DNAH11: variants seen among roughly 807,000 people sequenced by gnomAD.
DNAH11 encodes the protein dynein axonemal heavy chain 11, also known as axonemal beta dynein heavy chain 11.
A neutral mutation model predicts 526.0 loss-of-function variants in DNAH11; 442 were observed. The ratio of observed to expected loss-of-function variants is 0.84; its 90% confidence interval spans 0.78 to 0.91. The LOEUF (loss-of-function observed/expected upper bound fraction) is 0.91, where lower values mean the gene tolerates loss of function less well. DNAH11 is among the 40% of genes least tolerant of loss of function. The probability of loss-of-function intolerance (pLI) is 0.00; values close to 1 mark genes in which losing one functional copy is unlikely to be tolerated. For missense variants in DNAH11, 6,989 were observed against 5,448.7 expected, an observed-to-expected ratio of 1.28 and a Z score of -8.90; for synonymous variants, 2,461 against 1,935.9, an observed-to-expected ratio of 1.27 and a Z score of -7.12.
At chr7:21,591,091 A>G in intron 13 of DNAH11, 69 bp downstream of exon 13, 1 of 1,385,184 alleles carries the variant, frequency 7.2e-7, no homozygotes, top group East Asian at 2.8e-5. Context: ...AATTTTAATT[A>G]TTATATAGAT....
intron 48 of DNAH11, 23 bp from the exon 49 acceptor site, chr7:21,741,904 C>CTTATA (rs1310697315): frequency 6.2e-7 from 1 of 1,612,278 alleles, no homozygotes; most frequent in Non-Finnish European, 8.5e-7. Context: ...TCCTTACACT[C>CTTATA]TTATATTTGC....
rs369208325 is a variant in DNAH11, at chr7:21,594,704, C to T, written c.2667+3127C>T. ...AGGAGATAGTTTTGGGGCAGGAGAT[C>T]CCTGGGCATGCTCGAGGAGGAGCAG... On this transcript the variant is annotated intron_variant, in intron 14 of 81. Transcript: ENST00000409508. Among the ~76,000 whole-genome samples, 13 of 152,070 alleles carry T rather than the reference C, an allele frequency of 8.5e-5. No homozygotes were observed. The South Asian group carries it at 2.7e-3, about 32-fold the overall frequency.
At chr7:21,622,785 A>T (rs901964807) in intron 25 of DNAH11, among the ~76,000 whole-genome samples, 5 of 152,322 alleles carry the variant, frequency 3.3e-5, no homozygotes, top group Admixed American at 2.0e-4. Context: ...CTGAAACTGG[A>T]TCCCTTCCTT....
intron 2 of DNAH11, among the ~76,000 whole-genome samples, chr7:21,550,754 T>C (rs1214830786): frequency 2.0e-5 from 3 of 152,172 alleles, no homozygotes; most frequent in African/African-American, 7.2e-5. Context: ...CAAATCTAGG[T>C]ACAACCTGTT....
intron 32 of DNAH11, 97 bp downstream of exon 32, chr7:21,684,041 A>C (rs1783262993): frequency 3.9e-6 from 5 of 1,289,662 alleles, no homozygotes; most frequent in African/African-American, 1.5e-5. Context: ...AACGATGAAC[A>C]ATGAACTATG....
chr7:21,675,683 G>T (rs781159740), intron 30 of DNAH11, among the ~76,000 whole-genome samples: 15 of 152,146 alleles, frequency 9.9e-5, no homozygotes, highest in Non-Finnish European at 1.6e-4. Context: ...TTCTTCATCA[G>T]TTCCTACAGC....
At chr7:21,865,792 A>G (rs1260571330) in intron 70 of DNAH11, among the ~76,000 whole-genome samples, 1 of 152,194 alleles carries the variant, frequency 6.6e-6, no homozygotes, top group African/African-American at 2.4e-5. Context: ...CTCCATAGGG[A>G]GAGTAGCCCT....
intron 80 of DNAH11, 116 bp downstream of exon 80, chr7:21,899,564 C>T (rs1784669354): frequency 1.2e-6 from 1 of 821,684 alleles, no homozygotes; most frequent in East Asian, 2.5e-5. Context: ...CCTCAAGCAG[C>T]AGCCATTATA....
rs114643721 is a variant in DNAH11 at position 21,612,917 on chromosome 7, C to T, written c.3853-2197C>T. Among the ~76,000 whole-genome samples, 966 of 152,118 alleles carry T rather than the reference C, an allele frequency of 6.4e-3. 13 individuals are homozygous for T. Among genetic ancestry groups the T allele is most frequent in the African/African-American group, 0.021 (867 of 41,494 alleles). On this transcript the variant is annotated intron_variant, in intron 20 of 81. Transcript: ENST00000409508. Reference sequence around the variant, plus strand: ...GGGAGAAAAAATCGTATGATTATCGCGAGAAATGCCAAAAGAACTTTAGCT... The same window carrying T: ...GGGAGAAAAAATCGTATGATTATCGTGAGAAATGCCAAAAGAACTTTAGCT...
chr7:21,868,285 C>T (rs1042254446), intron 72 of DNAH11, among the ~76,000 whole-genome samples: 1 of 152,066 alleles, frequency 6.6e-6, no homozygotes, highest in East Asian at 1.9e-4. Context: ...TCCACATGCT[C>T]ATGTAATCTT....
At chr7:21,686,457 A>G (rs1036261168) in intron 32 of DNAH11, among the ~76,000 whole-genome samples, 3 of 152,204 alleles carry the variant, frequency 2.0e-5, no homozygotes, top group Non-Finnish European at 4.4e-5. Flanking sequence ...TTTATTAGGT[A>G]TTCTTGTTTC....
chr7:21,807,959 G>T lies in DNAH11; in HGVS notation c.10242G>T (p.Thr3414=), dbSNP rs559218045. ...EKTLCGDVLL[T]AAFVSYVGPF... Reference sequence around the variant, plus strand: ...CACTCTGTGGAGATGTTCTTCTCACGGCGGCATTTGTGTCTTACGTCGGAC... The same window carrying T: ...CACTCTGTGGAGATGTTCTTCTCACTGCGGCATTTGTGTCTTACGTCGGAC... Residue 3414 remains threonine (T), a synonymous_variant, in exon 63 of 82, where the codon ACG becomes ACT. Coordinates refer to ENST00000409508, the MANE Select transcript of DNAH11 (RefSeq NM_001277115.2). 5.6e-6 allele frequency: 9 copies of T among 1,608,428 alleles called. No individual in the cohort carries two copies. Among genetic ancestry groups the T allele is most frequent in the Non-Finnish European group, 7.7e-6 (9 of 1,176,428 alleles).
At chr7:21,638,439 G>A (rs948305252) in intron 27 of DNAH11, among the ~76,000 whole-genome samples, 3 of 152,088 alleles carry the variant, frequency 2.0e-5, no homozygotes, top group South Asian at 4.1e-4. Context: ...CTCTGCTAAG[G>A]GCAATAAAGT....
At chr7:21,695,670 A>T (rs1286827585) in intron 35 of DNAH11, among the ~76,000 whole-genome samples, 1 of 152,252 alleles carries the variant, frequency 6.6e-6, no homozygotes, top group Non-Finnish European at 1.5e-5. Context: ...ACCACTCAGG[A>T]CATAGGCATG....
intron 51 of DNAH11, among the ~76,000 whole-genome samples, chr7:21,747,958 T>G (rs1786220393): frequency 1.3e-5 from 2 of 152,238 alleles, no homozygotes; most frequent in Admixed American, 1.3e-4. Context: ...TTTGAAGCCC[T>G]TAACACAAGG....
At chr7:21,685,315 T>A (rs949458460) in intron 32 of DNAH11, among the ~76,000 whole-genome samples, 5 of 151,988 alleles carry the variant, frequency 3.3e-5, no homozygotes, top group African/African-American at 1.2e-4. Context: ...AGGCCCAGGG[T>A]ATAGGAGAAA....
chr7:21,892,597 G>T lies in DNAH11; in HGVS notation c.12680G>T (p.Arg4227Ile). The T allele has an allele frequency of 6.2e-7, 1 of 1,613,910 alleles. No individual in the cohort carries two copies. Among genetic ancestry groups the T allele is most frequent in the Non-Finnish European group, 8.5e-7 (1 of 1,179,828 alleles). The change falls in exon 77 of 82, where the codon AGA (arginine) becomes ATA (isoleucine). Residue 4227 changes from arginine (R) to isoleucine (I), a missense_variant. Coordinates refer to ENST00000409508, the MANE Select transcript of DNAH11 (RefSeq NM_001277115.2). ...FLTVTSNTLF[R>I]TLLEMQPRNA... The stretch of plus-strand genomic sequence containing the variant: ...ACAGTGACATCCAACACTCTCTTCA[G>T]AACTTTGCTGGAGATGCAGCCCAGG...
intron 65 of DNAH11, among the ~76,000 whole-genome samples, chr7:21,839,752 G>C (rs1782134695): frequency 6.6e-6 from 1 of 152,242 alleles, no homozygotes; most frequent in South Asian, 2.1e-4. Context: ...TCAACTAATA[G>C]GGTTTTCAAA....
At chr7:21,822,883 G>A (rs747786864) in intron 65 of DNAH11, among the ~76,000 whole-genome samples, 8 of 148,200 alleles carry the variant, frequency 5.4e-5, no homozygotes, top group African/African-American at 1.2e-4. Flanking sequence ...TCATATACCC[G>A]TTGGCCATTT....
Sources: gnomAD v4.1 joint callset for allele counts (sites outside exome capture counted in the v4.1 genomes callset) on GRCh38, gnomAD v4.1.1 for gene constraint, MANE v1.5 for transcripts, NCBI Gene and HGNC (gene_info 2026-07-23, HGNC 2026-07-21) for gene names.